Variants in RAB12 observed in about 807,000 individuals in gnomAD.
The protein encoded by RAB12 is ras-related protein Rab-12.
In RAB12, 11 loss-of-function variants were observed where a neutral mutation model predicts 28.4. The ratio of observed to expected loss-of-function variants is 0.39; its 90% confidence interval spans 0.24 to 0.64. The LOEUF (loss-of-function observed/expected upper bound fraction) is 0.64, where lower values mean the gene tolerates loss of function less well. Among genes scored for constraint, RAB12 ranks in the 30% least tolerant of loss-of-function variants. The probability of loss-of-function intolerance (pLI) is 0.50; values close to 1 mark genes in which losing one functional copy is unlikely to be tolerated. For missense variants in RAB12, 276 were observed against 351.1 expected (o/e 0.79, Z 1.71); for synonymous variants, 138 against 145.3 (o/e 0.95, Z 0.36).
chr18:8,622,543 A>G (rs1334007866), intron 1 of RAB12, among the ~76,000 whole-genome samples: 1 of 152,234 alleles, frequency 6.6e-6, no homozygotes, highest in Non-Finnish European at 1.5e-5. Flanking sequence ...GGTCACAGAC[A>G]TCAAATACTT....
At chr18:8,612,077 G>A (rs950912276) in intron 1 of RAB12, among the ~76,000 whole-genome samples, 1 of 152,206 alleles carries the variant, frequency 6.6e-6, no homozygotes, top group East Asian at 1.9e-4. Flanking sequence ...CCTACTGTGT[G>A]TTGGGTGTTA....
At chr18:8,614,039 C>A (rs544623876) in intron 1 of RAB12, among the ~76,000 whole-genome samples, 120 of 152,314 alleles carry the variant, frequency 7.9e-4, no homozygotes, top group African/African-American at 2.9e-3. Flanking sequence ...CAAGTGAATT[C>A]TTTTTAACTA....
chr18:8,615,917 G>A (rs2096006430), intron 1 of RAB12, among the ~76,000 whole-genome samples: 1 of 152,148 alleles, frequency 6.6e-6, no homozygotes, highest in Non-Finnish European at 1.5e-5. Flanking sequence ...TTTCCCTCTG[G>A]TCTGTGGAAT....
intron 1 of RAB12, among the ~76,000 whole-genome samples, chr18:8,623,677 A>G (rs2096011158): frequency 6.6e-6 from 1 of 152,214 alleles, no homozygotes; most frequent in Non-Finnish European, 1.5e-5. Context: ...TGGAAAGCAA[A>G]TCATTTCCAG....
At chr18:8,611,585 C>G (rs1226440543) in intron 1 of RAB12, among the ~76,000 whole-genome samples, 1 of 152,134 alleles carries the variant, frequency 6.6e-6, no homozygotes, top group African/African-American at 2.4e-5. Context: ...GCTGCGAGAC[C>G]TTGACCGCCA....
chr18:8,622,965 A>G (rs763590672), intron 1 of RAB12, among the ~76,000 whole-genome samples: 2 of 152,218 alleles, frequency 1.3e-5, no homozygotes, highest in Non-Finnish European at 2.9e-5. Context: ...ACCAGCTGTC[A>G]GAGTTTAAGG....
rs1253713097 is a variant in RAB12, at chr18:8,626,345, T to A, written c.575+1347T>A. ...CCTCTCTCTGTTCCTAGTACCTGTG[T>A]GAGGTACTTTCTGATGAGAATATTG... is the stretch of plus-strand genomic sequence containing the variant. On this transcript the variant is annotated intron_variant, in intron 2 of 5. Transcript: ENST00000649141. Among the ~76,000 whole-genome samples the A allele has an allele frequency of 2.0e-5, 3 of 152,220 alleles. No homozygotes were observed. In the East Asian group the frequency reaches 5.8e-4, roughly 29 times the overall value.
chr18:8,617,452 G>GTTT (rs77242592), intron 1 of RAB12, among the ~76,000 whole-genome samples: 3 of 143,814 alleles, frequency 2.1e-5, no homozygotes, highest in Non-Finnish European at 3.1e-5. Flanking sequence ...TTTGATCATG[G>GTTT]TTTTTTTTTT....
chr18:8,639,073 T>TCTGTACC lies in RAB12; in HGVS notation c.*812_*818dup, dbSNP rs990676653. The stretch of plus-strand genomic sequence containing the variant: ...AACATACGTGTATTTGCCTAAACAC[T>TCTGTACC]CTGTACCTTTGTAATGATAAAACTT... On this transcript the variant is annotated 3_prime_UTR_variant, in exon 6 of 6. Coordinates refer to ENST00000649141, the MANE Select transcript of RAB12 (RefSeq NM_001025300.3). 4.1e-5 allele frequency: 6 copies of TCTGTACC among 146,422 alleles called. No individual in the cohort carries two copies. Among genetic ancestry groups the TCTGTACC allele is most frequent in the Non-Finnish European group, 7.5e-5 (5 of 66,804 alleles). 9.1% of individuals were successfully genotyped at this position (146,422 alleles called of 1,614,324 possible).
chr18:8,611,212 C>T (rs1159647160), intron 1 of RAB12, among the ~76,000 whole-genome samples: 1 of 152,086 alleles, frequency 6.6e-6, no homozygotes, highest in Non-Finnish European at 1.5e-5. Context: ...TTTCAAATAT[C>T]CAGTCTTGGA....
At chr18:8,610,187 G>A (rs1414088997) in intron 1 of RAB12, 7 of 428,498 alleles carry the variant, frequency 1.6e-5, no homozygotes, top group Middle Eastern at 8.2e-4. Context: ...TGCCTCAGAG[G>A]TCCTGGCAGC....
chr18:8,625,390 A>G (rs1238117681), intron 2 of RAB12, among the ~76,000 whole-genome samples: 1 of 152,194 alleles, frequency 6.6e-6, no homozygotes, highest in Admixed American at 6.5e-5. Flanking sequence ...CCAGATTTGC[A>G]CAATCTGAAG....
intron 4 of RAB12, 48 bp from the exon 5 acceptor site, chr18:8,636,205 G>GA (rs752011269): frequency 4.7e-5 from 60 of 1,275,198 alleles, no homozygotes; most frequent in Non-Finnish European, 6.5e-5. Context: ...CTCGCACGCT[G>GA]GTCTGTGAGG....
At chr18:8,621,030 A>G (rs1012685700) in intron 1 of RAB12, among the ~76,000 whole-genome samples, 3 of 152,204 alleles carry the variant, frequency 2.0e-5, no homozygotes, top group African/African-American at 4.8e-5. Context: ...GACTGTCCCC[A>G]TCAACAGTGG....
At chr18:8,637,081 C>T (rs1379434445) in intron 5 of RAB12, among the ~76,000 whole-genome samples, 4 of 151,940 alleles carry the variant, frequency 2.6e-5, no homozygotes, top group Non-Finnish European at 5.9e-5. Flanking sequence ...CTGGGCAACA[C>T]AGTGAAGCCC....
intron 1 of RAB12, among the ~76,000 whole-genome samples, chr18:8,611,039 C>A (rs2096003500): frequency 6.6e-6 from 1 of 152,166 alleles, no homozygotes; most frequent in Non-Finnish European, 1.5e-5. Context: ...GTGAAACCTC[C>A]AATTTTTGTA....
At chr18:8,627,266 AC>A in intron 2 of RAB12, among the ~76,000 whole-genome samples, 1 of 152,264 alleles carries the variant, frequency 6.6e-6, no homozygotes, top group East Asian at 1.9e-4. Flanking sequence ...GTAGCTGGAA[AC>A]GGTCCCTCAA....
intron 2 of RAB12, 104 bp downstream of exon 2, chr18:8,625,102 TCTC>T (rs2096011950): frequency 7.3e-6 from 5 of 687,794 alleles, no homozygotes; most frequent in East Asian, 5.4e-5. Flanking sequence ...TCTCCTACTT[TCTC>T]CTCTTTTGCT....
Position 8,609,766 on chromosome 18 carries a change from C to T in RAB12, c.327C>T (p.Gly109=), listed in dbSNP as rs1248936078. 6.3e-6 allele frequency: 8 copies of T among 1,269,140 alleles called. No homozygotes were observed. The highest frequency in any genetic ancestry group is 4.4e-5 in the Admixed American group (1 of 22,810). The allele number at this position is 1,269,140 out of a possible 1,614,324, so 78.6% of individuals were successfully genotyped here. ...CCGCGCTGCAGAGGCGGGCCGGGGG[C>T]GGCGGCGGTCTGGGCGCGGGCTCCC... ...PGAALQRRAG[G]GGGLGAGSPA... Residue 109 remains glycine, a synonymous_variant, in exon 1 of 6, where the codon GGC becomes GGT. Transcript: ENST00000649141.
Sources: gnomAD v4.1 joint callset for allele counts (sites outside exome capture counted in the v4.1 genomes callset) on GRCh38, gnomAD v4.1.1 for gene constraint, MANE v1.5 for transcripts, NCBI Gene and HGNC (gene_info 2026-07-23, HGNC 2026-07-21) for gene names.